Variants in APIP observed in about 807,000 individuals in gnomAD.
APIP encodes the protein APAF1 interacting protein, also known as methylthioribulose-1-phosphate dehydratase.
A neutral mutation model predicts 32.0 loss-of-function variants in APIP; 32 were observed. That is an observed-to-expected ratio of 1.00 (90% CI 0.76 to 1.34). APIP has a LOEUF of 1.34. Among genes scored for constraint, APIP ranks in the 40% most tolerant of loss-of-function variants. The pLI, the probability that APIP is intolerant of heterozygous loss-of-function variation, is 0.00. For missense variants in APIP, 247 were observed against 298.6 expected (o/e 0.83, Z 1.27); for synonymous variants, 92 against 94.8 (o/e 0.97, Z 0.17).
At chr11:34,886,196 G>T (rs1853067815) in intron 5 of APIP, among the ~76,000 whole-genome samples, 1 of 152,018 alleles carries the variant, frequency 6.6e-6, no homozygotes, top group Non-Finnish European at 1.5e-5. Context: ...CATGTTACTT[G>T]CCCCTGAAGA....
At chr11:34,913,924 T>C (rs1305194028) in intron 1 of APIP, among the ~76,000 whole-genome samples, 1 of 152,182 alleles carries the variant, frequency 6.6e-6, no homozygotes, top group Non-Finnish European at 1.5e-5. Context: ...TCTCTTTAGC[T>C]TCATCTCAAG....
chr11:34,891,654 T>G (rs1238486577), intron 2 of APIP, among the ~76,000 whole-genome samples: 1 of 152,176 alleles, frequency 6.6e-6, no homozygotes, highest in Non-Finnish European at 1.5e-5. Flanking sequence ...GTTCCACTGA[T>G]AAAGTCTAGA....
chr11:34,897,106 G>A (rs1853285898), intron 1 of APIP, among the ~76,000 whole-genome samples: 1 of 152,172 alleles, frequency 6.6e-6, no homozygotes, highest in Non-Finnish European at 1.5e-5. Flanking sequence ...CTACTTAGCT[G>A]AATACTTGAA....
intron 1 of APIP, among the ~76,000 whole-genome samples, chr11:34,909,011 G>T (rs905109698): frequency 2.0e-5 from 3 of 152,148 alleles, no homozygotes; most frequent in African/African-American, 7.2e-5. Flanking sequence ...GTCAGTAAAC[G>T]AAAGAGGCTG....
chr11:34,907,092 C>A (rs1422431103), intron 1 of APIP, among the ~76,000 whole-genome samples: 1 of 152,078 alleles, frequency 6.6e-6, no homozygotes, highest in African/African-American at 2.4e-5. Flanking sequence ...AGAGTTCTTG[C>A]CCAAAACCCC....
At chr11:34,884,770 C>T (rs1853033055) in intron 5 of APIP, among the ~76,000 whole-genome samples, 1 of 151,802 alleles carries the variant, frequency 6.6e-6, no homozygotes, top group Non-Finnish European at 1.5e-5. Context: ...GAATGAATTG[C>T]TAGTCTCAAA....
At position 34,908,843 on chromosome 11, in the gene APIP, G is replaced by T. The variant is rs112922180; in HGVS notation, c.57+7385C>A. ...AGTAGCTGGAAGTGGTTATAAATTA[G>T]GTTCTGCAGGATGGAGGTAAAAGGG... is the stretch of plus-strand genomic sequence containing the variant. On this transcript the variant is annotated intron_variant, in intron 1 of 6. Coordinates refer to ENST00000395787, the MANE Select transcript of APIP (RefSeq NM_015957.4). Among the ~76,000 whole-genome samples, 391 of 152,314 alleles carry T rather than the reference G, an allele frequency of 2.6e-3. 2 individuals carry two copies. The highest frequency in any genetic ancestry group is 8.9e-3 in the African/African-American group (370 of 41,564).
chr11:34,899,008 C>T (rs1853333420), intron 1 of APIP, among the ~76,000 whole-genome samples: 4 of 151,730 alleles, frequency 2.6e-5, no homozygotes, highest in Admixed American at 2.6e-4. Flanking sequence ...ACCGTGTTAG[C>T]CAGGATGGTC....
intron 2 of APIP, among the ~76,000 whole-genome samples, chr11:34,894,467 CAAAAAAAA>C (rs57079015): frequency 4.6e-5 from 4 of 86,232 alleles, no homozygotes; most frequent in South Asian, 4.1e-4. Context: ...CCAGTCTCTA[CAAAAAAAA>C]AAAAAAAAAA....
chr11:34,916,298 G>C lies in APIP; in HGVS notation c.-14C>G. 1 of 1,611,312 alleles carries C rather than the reference G, an allele frequency of 6.2e-7. No individual in the cohort carries two copies. Among genetic ancestry groups the C allele is most frequent in the Non-Finnish European group, 8.5e-7 (1 of 1,179,030 alleles). Reference sequence around the variant, plus strand: ...ACAGCCAGACATGGCCCAGACCAGGGACCCGCGCGGCCTCCAATCTCCGCA... The same window carrying C: ...ACAGCCAGACATGGCCCAGACCAGGCACCCGCGCGGCCTCCAATCTCCGCA... On this transcript the variant is annotated 5_prime_UTR_variant, in exon 1 of 7. Coordinates refer to ENST00000395787, the MANE Select transcript of APIP (RefSeq NM_015957.4).
intron 2 of APIP, 145 bp downstream of exon 2, chr11:34,894,865 A>G (rs544761367): frequency 1.4e-6 from 1 of 697,720 alleles, no homozygotes; most frequent in African/African-American, 1.8e-5. Context: ...CAGTTACACA[A>G]ATGTCCACTT....
chr11:34,890,341 C>T (rs1853165293), intron 3 of APIP, among the ~76,000 whole-genome samples, 163 bp downstream of exon 3: 1 of 152,152 alleles, frequency 6.6e-6, no homozygotes, highest in African/African-American at 2.4e-5. Context: ...TGGAAGATAT[C>T]TACCACCTTA....
intron 2 of APIP, among the ~76,000 whole-genome samples, chr11:34,894,690 C>T (rs766266452): frequency 7.9e-5 from 12 of 152,072 alleles, no homozygotes; most frequent in Non-Finnish European, 1.6e-4. Context: ...ATCCTATCTA[C>T]CTAGAGAGGA....
At chr11:34,883,149 A>G (rs1341881349) in intron 6 of APIP, among the ~76,000 whole-genome samples, 188 bp downstream of exon 6, 1 of 152,208 alleles carries the variant, frequency 6.6e-6, no homozygotes. Context: ...TCCTCTATCA[A>G]CATTCCTAGA....
chr11:34,883,295 C>A, intron 6 of APIP, 42 bp downstream of exon 6: 1 of 1,537,348 alleles, frequency 6.5e-7, no homozygotes, highest in Non-Finnish European at 8.8e-7. Context: ...TCACATTTAG[C>A]GGGTGGTAAC....
intron 5 of APIP, among the ~76,000 whole-genome samples, chr11:34,885,485 C>A (rs975221740): frequency 6.6e-6 from 1 of 151,952 alleles, no homozygotes; most frequent in Non-Finnish European, 1.5e-5. Context: ...AAGAAGAGGT[C>A]GGGGGCACCT....
At chr11:34,885,087 T>C (rs1853041619) in intron 5 of APIP, among the ~76,000 whole-genome samples, 2 of 146,826 alleles carry the variant, frequency 1.4e-5, no homozygotes, top group African/African-American at 4.9e-5. Flanking sequence ...AACTATAATA[T>C]ATGTATACAT....
intron 1 of APIP, among the ~76,000 whole-genome samples, chr11:34,905,493 T>G (rs1853434264): frequency 6.6e-6 from 1 of 152,206 alleles, no homozygotes; most frequent in South Asian, 2.1e-4. Flanking sequence ...GAGAACACTC[T>G]GCCTGAAGAT....
chr11:34,907,780 C>T (rs1432274342), intron 1 of APIP, among the ~76,000 whole-genome samples: 1 of 152,094 alleles, frequency 6.6e-6, no homozygotes, highest in Non-Finnish European at 1.5e-5. Flanking sequence ...AGTAGAGGTT[C>T]TACAGTGAGG....
Sources: gnomAD v4.1 joint callset for allele counts (sites outside exome capture counted in the v4.1 genomes callset) on GRCh38, gnomAD v4.1.1 for gene constraint, MANE v1.5 for transcripts, NCBI Gene and HGNC (gene_info 2026-07-23, HGNC 2026-07-21) for gene names.